SYT7: variants seen among roughly 807,000 people sequenced by gnomAD.
The protein encoded by SYT7 is synaptotagmin-7.
In SYT7, 29 loss-of-function variants were observed where a neutral mutation model predicts 75.1. That is an observed-to-expected ratio of 0.39 (90% CI 0.29 to 0.53). The LOEUF (loss-of-function observed/expected upper bound fraction) is 0.53, where lower values mean the gene tolerates loss of function less well. Among genes scored for constraint, SYT7 ranks in the 20% least tolerant of loss-of-function variants. SYT7 has a pLI of 0.77. For missense variants in SYT7, 693 were observed against 953.2 expected, an observed-to-expected ratio of 0.73 and a Z score of 3.59; for synonymous variants, 376 against 401.7, an observed-to-expected ratio of 0.94 and a Z score of 0.76.
upstream of SYT7, among the ~76,000 whole-genome samples, chr11:61,582,282 T>C (rs1347716341): frequency 6.6e-6 from 1 of 152,206 alleles, no homozygotes; most frequent in East Asian, 1.9e-4. Flanking sequence ...GTGCTGAGAA[T>C]GCAGTTTGCA....
intron 1 of SYT7, among the ~76,000 whole-genome samples, chr11:61,557,179 T>G (rs1359526941): frequency 6.6e-6 from 1 of 152,188 alleles, no homozygotes; most frequent in African/African-American, 2.4e-5. Context: ...GCAAAAACTT[T>G]GAGGACAAAT....
chr11:61,524,536 G>C lies in SYT7; in HGVS notation c.1472-4C>G, dbSNP rs762753251. The C allele has an allele frequency of 6.3e-7, 1 of 1,583,212 alleles. No homozygotes were observed. Among genetic ancestry groups the C allele is most frequent in the African/African-American group, 1.3e-5 (1 of 74,478 alleles). On this transcript the variant is annotated splice_polypyrimidine_tract_variant and splice_region_variant and intron_variant, in intron 9 of 12. Coordinates refer to ENST00000539008, the MANE Select transcript of SYT7 (RefSeq NM_001365809.2). This position sits in a 1 kb window ranked among gnomAD's most constrained non-coding sequence, Gnocchi z 4.1. ...ACCACCTTCTCATAGGGAAAACCTG[G>C]GGGTATAGATGAGTGTGAGTGAAGA...
At chr11:61,570,019 G>A (rs1159241646) in intron 1 of SYT7, among the ~76,000 whole-genome samples, 1 of 152,258 alleles carries the variant, frequency 6.6e-6, no homozygotes, top group Non-Finnish European at 1.5e-5. Context: ...ACCCCCTCGA[G>A]TAGGCTGAGC....
chr11:61,538,336 GGAGAGAGAGGGAGAGAGA>G (rs1565180199), intron 6 of SYT7, 70 bp from the exon 7 acceptor site: 2 of 506,722 alleles, frequency 3.9e-6, no homozygotes, highest in African/African-American at 5.2e-5. Flanking sequence ...CAGGGGGGAA[GGAGAGAGAGGGAGAGAGA>G]GAGAGAGAGA....
chr11:61,585,661 C>T (rs1219014625), upstream of SYT7, among the ~76,000 whole-genome samples: 1 of 152,152 alleles, frequency 6.6e-6, no homozygotes, highest in Non-Finnish European at 1.5e-5. Context: ...ACCTCATCAC[C>T]ATCAATACTT....
At position 61,551,693 on chromosome 11, in the gene SYT7, C is replaced by T. The variant is rs960588699; in HGVS notation, c.136-230G>A. Among the ~76,000 whole-genome samples the T allele has an allele frequency of 2.0e-5, 3 of 152,160 alleles. No homozygotes were observed. Among genetic ancestry groups the T allele is most frequent in the African/African-American group, 4.8e-5 (2 of 41,440 alleles). On this transcript the variant is annotated intron_variant, in intron 2 of 12. Transcript: ENST00000539008. This position sits in a 1 kb window ranked among gnomAD's most constrained non-coding sequence, Gnocchi z 5.3. ...GCTCTAGGACCTGCCCCACCCACCT[C>T]GACCCGAACCTCATCCCTGACTCCC...
At chr11:61,585,150 T>C (rs1360469662), upstream of SYT7, among the ~76,000 whole-genome samples, 2 of 152,186 alleles carry the variant, frequency 1.3e-5, no homozygotes, top group African/African-American at 4.8e-5. Flanking sequence ...GCTGCCTGGC[T>C]CTGTTGCTAG....
chr11:61,577,519 C>G (rs1271603778), intron 1 of SYT7, among the ~76,000 whole-genome samples: 3 of 152,226 alleles, frequency 2.0e-5, no homozygotes, highest in African/African-American at 7.2e-5. Flanking sequence ...TTCAGCCACA[C>G]CCCTAACTTC....
At chr11:61,544,792 G>T (rs763602568) in intron 5 of SYT7, among the ~76,000 whole-genome samples, 36 of 152,218 alleles carry the variant, frequency 2.4e-4, no homozygotes, top group Admixed American at 1.8e-3. Context: ...CTCTGAAGGG[G>T]TGTGTGGCTT....
intron 12 of SYT7, among the ~76,000 whole-genome samples, chr11:61,519,613 A>G (rs1341095178): frequency 1.3e-5 from 2 of 152,136 alleles, no homozygotes; most frequent in Non-Finnish European, 2.9e-5. Context: ...ACATTAACGG[A>G]AAGACTGGTG....
chr11:61,533,628 A>T, intron 7 of SYT7: 1 of 985,256 alleles, frequency 1.0e-6, no homozygotes, highest in Non-Finnish European at 1.2e-6. Flanking sequence ...GCTCATCAAG[A>T]GTTCTCTTCC....
rs1318962440 is a variant in SYT7 at position 61,551,586 on chromosome 11, C to T, written c.136-123G>A. 3 of 992,512 alleles carry T rather than the reference C, an allele frequency of 3.0e-6. No individual in the cohort carries two copies. The East Asian group carries it at 7.5e-5, about 25-fold the overall frequency. The allele number at this position is 992,512 out of a possible 1,614,324, so 61.5% of individuals were successfully genotyped here. On this transcript the variant is annotated intron_variant, in intron 2 of 12. Coordinates refer to ENST00000539008, the MANE Select transcript of SYT7 (RefSeq NM_001365809.2). The surrounding 1 kb of genome is among the most constrained non-coding windows in gnomAD (Gnocchi z 5.3). The stretch of plus-strand genomic sequence containing the variant: ...TCGGGCCGTGGCAACAAGGCCAGGA[C>T]CAGTGTGCGAGGCTGTCACCGCGGT...
At chr11:61,521,694 C>T (rs140100336) in intron 12 of SYT7, among the ~76,000 whole-genome samples, 2 of 152,326 alleles carry the variant, frequency 1.3e-5, no homozygotes, top group African/African-American at 2.4e-5. Context: ...TATCCAGTCC[C>T]CCTTTCCCTT....
At chr11:61,567,496 G>A (rs1435763846) in intron 1 of SYT7, among the ~76,000 whole-genome samples, 1 of 152,190 alleles carries the variant, frequency 6.6e-6, no homozygotes, top group African/African-American at 2.4e-5. Context: ...ACTGTGCATA[G>A]TGATTCCGCC....
At chr11:61,534,663 G>A (rs1322736585) in intron 7 of SYT7, among the ~76,000 whole-genome samples, 32 of 152,230 alleles carry the variant, frequency 2.1e-4, no homozygotes, top group Admixed American at 2.1e-3. Context: ...AAACTGAAAC[G>A]GAAAGGGCAG....
intron 3 of SYT7, among the ~76,000 whole-genome samples, chr11:61,547,600 T>A (rs2063229577): frequency 6.8e-6 from 1 of 146,532 alleles, no homozygotes; most frequent in African/African-American, 2.6e-5. Context: ...GGCGGCAGAC[T>A]GGAGCCTCGC....
intron 1 of SYT7, among the ~76,000 whole-genome samples, chr11:61,570,052 A>G (rs2063880868): frequency 6.6e-6 from 1 of 152,240 alleles, no homozygotes; most frequent in African/African-American, 2.4e-5. Flanking sequence ...TGGGCCACAC[A>G]GCAACACGAC....
At chr11:61,572,064 C>T (rs1055028178) in intron 1 of SYT7, among the ~76,000 whole-genome samples, 1 of 152,210 alleles carries the variant, frequency 6.6e-6, no homozygotes, top group East Asian at 1.9e-4. Context: ...TGTGAAATCA[C>T]TCCCTTCGCA....
At position 61,538,346 on chromosome 11, in the gene SYT7, G is replaced by GGAGAGAGGGA. The variant is rs1555006885; in HGVS notation, c.942-81_942-80insTCCCTCTCTC. The GGAGAGAGGGA allele has an allele frequency of 2.4e-3, 481 of 203,286 alleles. 2 individuals carry two copies. The highest frequency in any genetic ancestry group is 0.012 in the African/African-American group (302 of 24,930). 12.6% of individuals were successfully genotyped at this position (203,286 alleles called of 1,614,324 possible). A position where few individuals can be genotyped will look rare whatever the true frequency, so the allele number is the denominator to read the frequency against. ...GGGGGCAGGGGGGAAGGAGAGAGAGGGAGAGAGAGAGAGAGAGAGAGAGAG... is the reference window on the plus strand; with the variant it reads ...GGGGGCAGGGGGGAAGGAGAGAGAGGGAGAGAGGGAGAGAGAGAGAGAGAGAGAGAGAGAG... On this transcript the variant is annotated intron_variant, in intron 6 of 12. Coordinates refer to ENST00000539008, the MANE Select transcript of SYT7 (RefSeq NM_001365809.2).
Sources: allele counts gnomAD v4.1 joint callset (sites outside exome capture counted in the v4.1 genomes callset), GRCh38; gene constraint gnomAD v4.1.1; non-coding constraint Gnocchi (gnomAD v3.1); transcripts MANE v1.5; gene names NCBI Gene and HGNC (gene_info 2026-07-23, HGNC 2026-07-21).